BLTP3A: variants seen among roughly 807,000 people sequenced by gnomAD.
BLTP3A encodes bridge-like lipid transfer protein family member 3A, also known as ICBP90 binding protein 1.
At chr6:34,806,705 A>G in the BLTP3A span, among the ~76,000 whole-genome samples, 1 of 152,292 alleles carries the variant, frequency 6.6e-6, no homozygotes, top group East Asian at 1.9e-4. Flanking sequence ...TCTGTTACCC[A>G]GGCTGGAGTG....
chr6:34,864,193 A>C, the BLTP3A span: 4 of 1,613,354 alleles, frequency 2.5e-6, no homozygotes, highest in Non-Finnish European at 3.4e-6. Flanking sequence ...ATGCTCTTGG[A>C]GTCTGGTATG....
At chr6:34,869,588 T>G in the BLTP3A span, among the ~76,000 whole-genome samples, 1 of 151,742 alleles carries the variant, frequency 6.6e-6, no homozygotes, top group East Asian at 1.9e-4. Context: ...TTGAATTAGC[T>G]ATAATTTGTT....
At chr6:34,837,350 T>C in the BLTP3A span, among the ~76,000 whole-genome samples, 1 of 152,118 alleles carries the variant, frequency 6.6e-6, no homozygotes, top group Non-Finnish European at 1.5e-5. Flanking sequence ...GAGACCAGCC[T>C]GGGCAACATG....
At chr6:34,793,101 T>G in the BLTP3A span, among the ~76,000 whole-genome samples, 1 of 152,232 alleles carries the variant, frequency 6.6e-6, no homozygotes. Flanking sequence ...CGTCCGCTTC[T>G]GCTTTGCAGC....
the BLTP3A span, among the ~76,000 whole-genome samples, chr6:34,869,447 A>G: frequency 6.6e-6 from 1 of 152,010 alleles, no homozygotes; most frequent in Admixed American, 6.6e-5. Context: ...TTACTTTATA[A>G]TTTGTACACG....
the BLTP3A span, among the ~76,000 whole-genome samples, chr6:34,847,426 A>G: frequency 0.22 from 33,359 of 151,990 alleles, 4,445 homozygotes; most frequent in African/African-American, 0.37. Flanking sequence ...CAGTGAAGCT[A>G]TTGGGTCCTG....
the BLTP3A span, among the ~76,000 whole-genome samples, chr6:34,844,766 T>A: frequency 4.6e-5 from 7 of 152,348 alleles, no homozygotes; most frequent in Non-Finnish European, 7.4e-5. Context: ...CCTTGCCAGA[T>A]GAATAGTTTG....
chr6:34,812,634 ATT>A, the BLTP3A span, among the ~76,000 whole-genome samples: 3 of 143,378 alleles, frequency 2.1e-5, no homozygotes, highest in Non-Finnish European at 3.1e-5. Flanking sequence ...CAGCTAATTA[ATT>A]TTTTTTTTTT....
At chr6:34,858,248 T>A in the BLTP3A span, 1 of 1,614,112 alleles carries the variant, frequency 6.2e-7, no homozygotes. Flanking sequence ...TGTTCAGACC[T>A]CCAGAGTCTC....
chr6:34,865,927 C>T, the BLTP3A span, among the ~76,000 whole-genome samples: 1 of 152,176 alleles, frequency 6.6e-6, no homozygotes, highest in Non-Finnish European at 1.5e-5. Flanking sequence ...GAACTCATGG[C>T]AGGCCCGGGG....
chr6:34,835,386 G>GA, the BLTP3A span: 1 of 1,614,166 alleles, frequency 6.2e-7, no homozygotes, highest in East Asian at 2.2e-5. Flanking sequence ...AGGCTATGAT[G>GA]AAGTATGCAG....
At chr6:34,871,104 C>T in the BLTP3A span, 2 of 1,613,804 alleles carry the variant, frequency 1.2e-6, no homozygotes, top group Non-Finnish European at 1.7e-6. Context: ...TGAACTCCAG[C>T]ATCACCCTAA....
At chr6:34,808,346 C>CAAAAAAAAAAAAAAAAA in the BLTP3A span, among the ~76,000 whole-genome samples, 3 of 26,720 alleles carry the variant, frequency 1.1e-4, no homozygotes, top group East Asian at 1.9e-3. Flanking sequence ...AACTCCGTCT[C>CAAAAAAAAAAAAAAAAA]AAAAAAAAAA....
chr6:34,829,464 G>A, the BLTP3A span, among the ~76,000 whole-genome samples: 55,143 of 152,014 alleles, frequency 0.36, 11,946 homozygotes, highest in African/African-American at 0.61. Context: ...GCTGTTTTAG[G>A]TAAATATATA....
the BLTP3A span, chr6:34,836,150 A>G: frequency 6.2e-7 from 1 of 1,613,858 alleles, no homozygotes; most frequent in Non-Finnish European, 8.5e-7. Context: ...TCTCTGTCAC[A>G]TGTAGATCAC....
the BLTP3A span, chr6:34,876,009 T>C: frequency 6.5e-6 from 1 of 152,738 alleles, no homozygotes; most frequent in African/African-American, 2.4e-5. Flanking sequence ...AATTCAGCTG[T>C]GAAGCATTTA....
the BLTP3A span, among the ~76,000 whole-genome samples, chr6:34,865,255 T>A: frequency 6.6e-6 from 1 of 152,210 alleles, no homozygotes; most frequent in African/African-American, 2.4e-5. Flanking sequence ...TGAGTACAGT[T>A]GTTTTACATT....
chr6:34,855,941 A>G, the BLTP3A span: 1 of 982,490 alleles, frequency 1.0e-6, no homozygotes, highest in Non-Finnish European at 1.2e-6. Flanking sequence ...TGCCTGAGAT[A>G]TTGCTTTTGA....
chr6:34,796,162 GT>G, the BLTP3A span, among the ~76,000 whole-genome samples: 1 of 152,198 alleles, frequency 6.6e-6, no homozygotes, highest in Non-Finnish European at 1.5e-5. Flanking sequence ...ATAATTACTT[GT>G]TGCTGATGAT....
Sources: allele counts gnomAD v4.1 joint callset (sites outside exome capture counted in the v4.1 genomes callset), GRCh38; gene constraint gnomAD v4.1.1; transcripts MANE v1.5; gene names NCBI Gene and HGNC (gene_info 2026-07-23, HGNC 2026-07-21).